TNS3: variants seen among roughly 807,000 people sequenced by gnomAD.
TNS3 encodes tensin 3.
A neutral mutation model predicts 140.9 loss-of-function variants in TNS3; 45 were observed. The ratio of observed to expected loss-of-function variants is 0.32; its 90% confidence interval spans 0.25 to 0.41. TNS3 has a LOEUF of 0.41. TNS3 is among the 10% of genes least tolerant of loss of function. TNS3 has a pLI of 1.00. For missense variants in TNS3, 1,716 were observed against 1,906.7 expected (o/e 0.90, Z 1.86); for synonymous variants, 815 against 788.4 (o/e 1.03, Z -0.56).
intron 4 of TNS3, among the ~76,000 whole-genome samples, chr7:47,463,951 C>A (rs985854488): frequency 3.3e-5 from 5 of 152,176 alleles, no homozygotes; most frequent in Non-Finnish European, 7.3e-5. Context: ...GTTTCTAATT[C>A]TAATGCCCCC....
At chr7:47,378,966 G>A (rs1791583849) in intron 16 of TNS3, among the ~76,000 whole-genome samples, 1 of 152,230 alleles carries the variant, frequency 6.6e-6, no homozygotes, top group Admixed American at 6.5e-5. Context: ...GCCAGTGGGG[G>A]TTTCAGTGCT....
At chr7:47,358,391 C>T (rs956812637) in intron 17 of TNS3, among the ~76,000 whole-genome samples, 1 of 152,344 alleles carries the variant, frequency 6.6e-6, no homozygotes, top group Middle Eastern at 3.4e-3. Context: ...CCCACCGTGG[C>T]CTCTCAAAGT....
chr7:47,319,258 T>G (rs10260301), intron 20 of TNS3, among the ~76,000 whole-genome samples: 1 of 152,260 alleles, frequency 6.6e-6, no homozygotes, highest in African/African-American at 2.4e-5. Context: ...GAAGCTTCCA[T>G]TGATGTGCAC....
At chr7:47,562,611 C>A (rs781107966) in intron 1 of TNS3, among the ~76,000 whole-genome samples, 2 of 152,128 alleles carry the variant, frequency 1.3e-5, no homozygotes, top group Non-Finnish European at 2.9e-5. Context: ...GTCTCAAACT[C>A]CTGACCTCAG....
At chr7:47,447,247 T>C (rs916435308) in intron 4 of TNS3, among the ~76,000 whole-genome samples, 4 of 124,658 alleles carry the variant, frequency 3.2e-5, no homozygotes, top group African/African-American at 1.2e-4. Context: ...TGGTTCCACA[T>C]ATGTTTGTTT....
chr7:47,570,574 C>G (rs1368724307), intron 1 of TNS3, among the ~76,000 whole-genome samples: 3 of 152,220 alleles, frequency 2.0e-5, no homozygotes, highest in African/African-American at 7.2e-5. Context: ...CTAATAAAAA[C>G]ATGAACAAAA....
Position 47,503,247 on chromosome 7 carries a change from G to C in TNS3, c.-115+3660C>G, listed in dbSNP as rs146308551. On this transcript the variant is annotated intron_variant, in intron 3 of 30. Transcript: ENST00000311160. ...ATGTGTCTGCAAGTGGGCAGAGGCG[G>C]AAGAGGCATCTCACCATGATGCCAG... is the stretch of plus-strand genomic sequence containing the variant. 9.8e-3 allele frequency among the ~76,000 whole-genome samples: 1,495 copies of C among 152,218 alleles called. 24 individuals carry two copies. The highest frequency in any genetic ancestry group is 0.034 in the African/African-American group (1,411 of 41,520).
intron 20 of TNS3, among the ~76,000 whole-genome samples, chr7:47,338,650 T>C (rs1788768735): frequency 6.6e-6 from 1 of 152,210 alleles, no homozygotes; most frequent in Non-Finnish European, 1.5e-5. Flanking sequence ...TGCATCCATG[T>C]TGTTGCAAAG....
In TNS3 at chr7:47,419,354, C is replaced by T. The variant is rs78697949; in HGVS notation, c.474-4148G>A. The stretch of plus-strand genomic sequence containing the variant: ...AGCAAGGAGGATGTGCAGGGAGGGG[C>T]CACAGGGGCATGAAGTAAAATAGCC... On this transcript the variant is annotated intron_variant, in intron 10 of 30. Transcript: ENST00000311160. Among the ~76,000 whole-genome samples, 828 of 152,272 alleles carry T rather than the reference C, an allele frequency of 5.4e-3. 4 individuals are homozygous for T. The highest frequency in any genetic ancestry group is 8.2e-3 in the Non-Finnish European group (560 of 68,020).
At chr7:47,448,332 T>C (rs1303608117) in intron 4 of TNS3, among the ~76,000 whole-genome samples, 2 of 152,198 alleles carry the variant, frequency 1.3e-5, no homozygotes, top group Non-Finnish European at 2.9e-5. Flanking sequence ...CAGGGAGACA[T>C]GGGATCCTCC....
chr7:47,478,615 ACATAATATATG>A (rs1168651867), intron 4 of TNS3, among the ~76,000 whole-genome samples: 2 of 152,186 alleles, frequency 1.3e-5, no homozygotes, highest in African/African-American at 4.8e-5. Context: ...ACATTTATAT[ACATAATATATG>A]CATACAAACC....
intron 17 of TNS3, among the ~76,000 whole-genome samples, chr7:47,358,464 G>GT (rs1356495753): frequency 1.3e-5 from 2 of 152,146 alleles, no homozygotes; most frequent in East Asian, 3.9e-4. Flanking sequence ...TCACTGTGGC[G>GT]TTTATTATCC....
intron 20 of TNS3, among the ~76,000 whole-genome samples, chr7:47,333,602 TA>T (rs994676319): frequency 2.0e-5 from 3 of 152,126 alleles, no homozygotes; most frequent in Non-Finnish European, 4.4e-5. Flanking sequence ...TCAGAGCTCA[TA>T]AAAATTCAAC....
intron 13 of TNS3, among the ~76,000 whole-genome samples, chr7:47,405,874 A>G (rs973710651): frequency 2.6e-5 from 4 of 152,104 alleles, no homozygotes; most frequent in African/African-American, 9.7e-5. Context: ...GGGTCACTGG[A>G]GCGAGGTTCT....
intron 4 of TNS3, among the ~76,000 whole-genome samples, chr7:47,467,242 C>T (rs1034013068): frequency 5.9e-5 from 9 of 152,108 alleles, no homozygotes; most frequent in African/African-American, 2.2e-4. Flanking sequence ...CCAGAGAGGA[C>T]GGGATGGGGA....
intron 2 of TNS3, among the ~76,000 whole-genome samples, chr7:47,512,739 CATA>C (rs2151898338): frequency 1.3e-5 from 2 of 152,266 alleles, no homozygotes; most frequent in South Asian, 2.1e-4. Flanking sequence ...AAAACATCAT[CATA>C]ATAATAACAG....
At chr7:47,319,090 T>A (rs923857950) in intron 20 of TNS3, among the ~76,000 whole-genome samples, 2 of 152,214 alleles carry the variant, frequency 1.3e-5, no homozygotes, top group African/African-American at 2.4e-5. Flanking sequence ...GGAGTCCTGG[T>A]CCAGGATCAT....
In TNS3 at chr7:47,424,089, A is replaced by T. The variant is rs776027242; in HGVS notation, c.473+12T>A. ...TCACCTCTTCACTCTGGCTTTGGGG[A>T]TCTATACATACCGTTTTTGGGAAGG... On this transcript the variant is annotated intron_variant, in intron 10 of 30. Transcript: ENST00000311160. 1.8e-5 allele frequency: 29 copies of T among 1,613,662 alleles called. No homozygotes were observed. The African/African-American group carries it at 3.2e-4, about 18-fold the overall frequency.
At chr7:47,447,506 A>T (rs573361003) in intron 4 of TNS3, among the ~76,000 whole-genome samples, 27 of 151,970 alleles carry the variant, frequency 1.8e-4, no homozygotes, top group African/African-American at 6.0e-4. Context: ...AAGGTCCTCC[A>T]CTCGCCTAGG....
Sources: gnomAD v4.1 joint callset for allele counts (sites outside exome capture counted in the v4.1 genomes callset) on GRCh38, gnomAD v4.1.1 for gene constraint, MANE v1.5 for transcripts, NCBI Gene and HGNC (gene_info 2026-07-23, HGNC 2026-07-21) for gene names.